The following CAMKMT variants were observed in gnomAD, a reference collection of about 807,000 sequenced individuals.
CAMKMT encodes calmodulin-lysine N-methyltransferase, also known as CaM KMT.
Under a neutral mutation model 48.0 loss-of-function variants are expected in CAMKMT, and 53 were observed. That is an observed-to-expected ratio of 1.10 (90% CI 0.89 to 1.39). The LOEUF is 1.39. CAMKMT is among the 40% of genes most tolerant of loss of function. The pLI is 0.00. For synonymous variants in CAMKMT, 165 were observed against 152.3 expected (o/e 1.08, Z -0.61); for missense variants, 428 against 402.7 (o/e 1.06, Z -0.54).
At chr2:44,455,406 G>T (rs531866984) in intron 3 of CAMKMT, among the ~76,000 whole-genome samples, 2 of 152,134 alleles carry the variant, frequency 1.3e-5, no homozygotes, top group Non-Finnish European at 2.9e-5. Flanking sequence ...AAGAAATTGC[G>T]TTGCCATGAT....
chr2:44,559,385 A>G (rs1486802076), intron 3 of CAMKMT, among the ~76,000 whole-genome samples: 3 of 152,184 alleles, frequency 2.0e-5, no homozygotes, highest in African/African-American at 7.2e-5. Flanking sequence ...AATGTTCTTC[A>G]TCAAGAGCCT....
intron 3 of CAMKMT, chr2:44,400,735 A>C (rs1312996367): frequency 6.6e-6 from 1 of 151,766 alleles, no homozygotes; most frequent in East Asian, 1.9e-4. Context: ...TTATTGAATA[A>C]AAAATAAGCT....
chr2:44,660,167 A>G (rs1437921482), intron 3 of CAMKMT, among the ~76,000 whole-genome samples: 1 of 152,224 alleles, frequency 6.6e-6, no homozygotes, highest in Admixed American at 6.5e-5. Flanking sequence ...GAAGAGTGTC[A>G]TTATTTTTAC....
At chr2:44,401,569 T>C (rs968221524) in intron 3 of CAMKMT, among the ~76,000 whole-genome samples, 1 of 151,792 alleles carries the variant, frequency 6.6e-6, no homozygotes, top group Non-Finnish European at 1.5e-5. Context: ...AAAAATAAAA[T>C]AAAATTTAAA....
chr2:44,652,607 C>T (rs894126742), intron 3 of CAMKMT, among the ~76,000 whole-genome samples: 1 of 152,080 alleles, frequency 6.6e-6, no homozygotes, highest in South Asian at 2.1e-4. Context: ...ACCACTGCCT[C>T]CCCCTCTCCA....
At chr2:44,480,795 A>G (rs1004071335) in intron 3 of CAMKMT, among the ~76,000 whole-genome samples, 1 of 152,068 alleles carries the variant, frequency 6.6e-6, no homozygotes, top group African/African-American at 2.4e-5. Flanking sequence ...ATATTTTTGA[A>G]CCATATTTTT....
chr2:44,510,458 A>G (rs1425189267), intron 3 of CAMKMT, among the ~76,000 whole-genome samples: 2 of 152,192 alleles, frequency 1.3e-5, no homozygotes, highest in Non-Finnish European at 2.9e-5. Context: ...AATTACTGGT[A>G]ATGTTCACCT....
At position 44,547,444 on chromosome 2, in the gene CAMKMT, C is replaced by T. The variant is rs78346361; in HGVS notation, c.377-156839C>T. Among the ~76,000 whole-genome samples the T allele has an allele frequency of 7.2e-5, 11 of 152,122 alleles. No individual in the cohort carries two copies. The South Asian group carries it at 1.2e-3, about 17-fold the overall frequency. On this transcript the variant is annotated intron_variant, in intron 3 of 10. Coordinates refer to ENST00000378494, the MANE Select transcript of CAMKMT (RefSeq NM_024766.5). Reference sequence around the variant, plus strand: ...CCGAGGCAGGAGGATCACCTGAGACCGGGAACTTGAGGCTGTAGTGCACCA... The same window carrying T: ...CCGAGGCAGGAGGATCACCTGAGACTGGGAACTTGAGGCTGTAGTGCACCA...
At chr2:44,366,918 T>C (rs1295765876) in intron 1 of CAMKMT, among the ~76,000 whole-genome samples, 1 of 151,904 alleles carries the variant, frequency 6.6e-6, no homozygotes, top group Admixed American at 6.6e-5. Flanking sequence ...AGGGATGGGG[T>C]TTTGCCATGT....
At chr2:44,547,156 G>A (rs1181822858) in intron 3 of CAMKMT, among the ~76,000 whole-genome samples, 1 of 152,158 alleles carries the variant, frequency 6.6e-6, no homozygotes, top group East Asian at 1.9e-4. Flanking sequence ...AAATGTTAAT[G>A]TGCTAGGATT....
chr2:44,482,587 A>T (rs920587086), intron 3 of CAMKMT, among the ~76,000 whole-genome samples: 1 of 152,184 alleles, frequency 6.6e-6, no homozygotes, highest in African/African-American at 2.4e-5. Context: ...ATTATTATTA[A>T]ACATAGTTCT....
chr2:44,743,690 C>T lies in CAMKMT; in HGVS notation c.692C>T (p.Ala231Val). The T allele has an allele frequency of 6.2e-7, 1 of 1,610,846 alleles. No individual in the cohort carries two copies. The highest frequency in any genetic ancestry group is 8.5e-7 in the Non-Finnish European group (1 of 1,177,534). The change falls in exon 8 of 11, where the codon GCT (alanine) becomes GTT (valine). Residue 231 changes from alanine (A) to valine (V), a missense_variant. Coordinates refer to ENST00000378494, the MANE Select transcript of CAMKMT (RefSeq NM_024766.5). ...LEGHFDIVMCADCLFLDQYRA... is the reference protein window; with the variant it reads ...LEGHFDIVMCVDCLFLDQYRA... The stretch of plus-strand genomic sequence containing the variant: ...GGACATTTTGACATTGTTATGTGTG[C>T]TGACTGGTAAGTACATAAAAATCAC...
chr2:44,641,292 A>G (rs949376246), intron 3 of CAMKMT, among the ~76,000 whole-genome samples: 1 of 152,048 alleles, frequency 6.6e-6, no homozygotes, highest in Non-Finnish European at 1.5e-5. Flanking sequence ...TCTTTTTCTA[A>G]TGTACATCTT....
intron 8 of CAMKMT, among the ~76,000 whole-genome samples, chr2:44,746,803 G>C (rs1308994069): frequency 1.3e-5 from 2 of 152,144 alleles, no homozygotes; most frequent in Non-Finnish European, 2.9e-5. Flanking sequence ...CTTTCTGCTG[G>C]AATGCAGTCC....
rs539560333 is a variant in CAMKMT at position 44,675,827 on chromosome 2, A to G, written c.377-28456A>G. The stretch of plus-strand genomic sequence containing the variant: ...TGTCACCATTAAACAATAGCTCTCC[A>G]TTCTCCCCTCCCCCAGCCCTTGGCA... On this transcript the variant is annotated intron_variant, in intron 3 of 10. Transcript: ENST00000378494. Among the ~76,000 whole-genome samples, 6 of 151,898 alleles carry G rather than the reference A, an allele frequency of 4.0e-5. No individual in the cohort carries two copies. In the East Asian group the frequency reaches 5.8e-4, roughly 15 times the overall value.
At chr2:44,678,895 G>C (rs1239243131) in intron 3 of CAMKMT, among the ~76,000 whole-genome samples, 1 of 151,986 alleles carries the variant, frequency 6.6e-6, no homozygotes. Context: ...TATCTATCTT[G>C]GCCCAAATCC....
intron 3 of CAMKMT, among the ~76,000 whole-genome samples, chr2:44,413,011 G>C (rs1477409394): frequency 6.6e-6 from 1 of 151,910 alleles, no homozygotes; most frequent in Non-Finnish European, 1.5e-5. Context: ...GGGAAGCAGA[G>C]GTTGCAGGGA....
intron 3 of CAMKMT, among the ~76,000 whole-genome samples, chr2:44,572,779 A>AT (rs1188066771): frequency 6.6e-6 from 1 of 152,106 alleles, no homozygotes; most frequent in Non-Finnish European, 1.5e-5. Context: ...CCCTGCTTTA[A>AT]TTTTTTGGGG....
intron 3 of CAMKMT, among the ~76,000 whole-genome samples, chr2:44,519,773 A>T (rs781183235): frequency 5.3e-5 from 8 of 152,196 alleles, no homozygotes; most frequent in Non-Finnish European, 1.0e-4. Context: ...CCAACAACCC[A>T]GTGAGGTAGT....
Sources: allele counts gnomAD v4.1 joint callset (sites outside exome capture counted in the v4.1 genomes callset), GRCh38; gene constraint gnomAD v4.1.1; transcripts MANE v1.5; gene names NCBI Gene and HGNC (gene_info 2026-07-23, HGNC 2026-07-21).